The following TENM3 variants were observed in gnomAD, a reference collection of about 807,000 sequenced individuals.
TENM3 encodes teneurin transmembrane protein 3, also known as teneurin-3.
A neutral mutation model predicts 255.1 loss-of-function variants in TENM3; 63 were observed. The observed-to-expected ratio is 0.25, with a 90% confidence interval of 0.20 to 0.30. TENM3 has a LOEUF of 0.30. Ranked by LOEUF, TENM3 falls within the 10% of genes least tolerant of loss-of-function variation. The probability of loss-of-function intolerance (pLI) is 1.00; values close to 1 mark genes in which losing one functional copy is unlikely to be tolerated. For missense variants in TENM3, 2,929 were observed against 3,461.1 expected, an observed-to-expected ratio of 0.85 and a Z score of 3.86; for synonymous variants, 1,306 against 1,322.3, an observed-to-expected ratio of 0.99 and a Z score of 0.27.
At chr4:182,483,872 T>A (rs62337189) in intron 3 of TENM3, among the ~76,000 whole-genome samples, 7,643 of 152,074 alleles carry the variant, frequency 0.05, 269 homozygotes, top group African/African-American at 0.089. Flanking sequence ...CTACCCATTC[T>A]TAACCAGATC....
At chr4:181,996,880 A>G in the TENM3 span, among the ~76,000 whole-genome samples, 1 of 152,178 alleles carries the variant, frequency 6.6e-6, no homozygotes, top group Admixed American at 6.5e-5. Flanking sequence ...CTGTCTGGGA[A>G]GCAGCTGGTC....
At chr4:182,547,160 G>T (rs1286911485) in intron 3 of TENM3, among the ~76,000 whole-genome samples, 1 of 152,106 alleles carries the variant, frequency 6.6e-6, no homozygotes, top group Admixed American at 6.5e-5. Flanking sequence ...CAGAGGCATG[G>T]TACAAGCGTT....
chr4:182,734,471 A>G (rs1002815534), intron 16 of TENM3, among the ~76,000 whole-genome samples: 1 of 152,218 alleles, frequency 6.6e-6, no homozygotes, highest in African/African-American at 2.4e-5. Flanking sequence ...AGATATTGAT[A>G]GAAAAGAGAA....
chr4:182,185,309 G>A (rs1292577626), intron 1 of TENM3, among the ~76,000 whole-genome samples: 1 of 152,136 alleles, frequency 6.6e-6, no homozygotes, highest in Admixed American at 6.6e-5. Context: ...TAAGTTGAAG[G>A]CACCATAGCA....
At chr4:181,574,415 C>A in the TENM3 span, among the ~76,000 whole-genome samples, 1 of 151,736 alleles carries the variant, frequency 6.6e-6, no homozygotes, top group African/African-American at 2.4e-5. Flanking sequence ...CCTGTAGTCC[C>A]AGCTACTCGG....
At chr4:182,324,533 G>C (rs1763270593) in intron 2 of TENM3, among the ~76,000 whole-genome samples, 1 of 152,216 alleles carries the variant, frequency 6.6e-6, no homozygotes, top group African/African-American at 2.4e-5. Context: ...CCAAGCGTTT[G>C]TACAAACTTG....
At chr4:181,867,716 A>G in the TENM3 span, among the ~76,000 whole-genome samples, 1 of 152,196 alleles carries the variant, frequency 6.6e-6, no homozygotes, top group South Asian at 2.1e-4. Flanking sequence ...AATGTTGTAT[A>G]GGATAGCAAT....
intron 1 of TENM3, among the ~76,000 whole-genome samples, chr4:182,157,629 G>C (rs1750801197): frequency 6.6e-6 from 1 of 151,110 alleles, no homozygotes; most frequent in South Asian, 2.1e-4. Flanking sequence ...AAAGTCTATG[G>C]TTCTATTGTT....
chr4:182,532,291 C>T (rs1739853713), intron 3 of TENM3, among the ~76,000 whole-genome samples: 1 of 152,180 alleles, frequency 6.6e-6, no homozygotes, highest in South Asian at 2.1e-4. Context: ...TAAAACCTAC[C>T]ATTTTGAAGA....
At chr4:181,972,742 C>T in the TENM3 span, among the ~76,000 whole-genome samples, 1 of 152,218 alleles carries the variant, frequency 6.6e-6, no homozygotes, top group South Asian at 2.1e-4. Context: ...CAATCTTGAC[C>T]GAGATTGAAT....
At chr4:182,583,936 TG>T (rs942383894) in intron 3 of TENM3, among the ~76,000 whole-genome samples, 13 of 152,202 alleles carry the variant, frequency 8.5e-5, no homozygotes, top group Admixed American at 5.2e-4. Flanking sequence ...TACTAAAATA[TG>T]GGTTAAAGCA....
At chr4:181,878,807 C>A in the TENM3 span, among the ~76,000 whole-genome samples, 1 of 152,028 alleles carries the variant, frequency 6.6e-6, no homozygotes, top group African/African-American at 2.4e-5. Flanking sequence ...GTCTATCTAC[C>A]TATCTGTGTG....
chr4:182,072,415 A>G, the TENM3 span, among the ~76,000 whole-genome samples: 1 of 152,110 alleles, frequency 6.6e-6, no homozygotes, highest in African/African-American at 2.4e-5. Flanking sequence ...CCCTGCCAAC[A>G]CCTTGAGCTT....
chr4:182,557,314 T>G (rs1742675370), intron 3 of TENM3, among the ~76,000 whole-genome samples: 1 of 152,190 alleles, frequency 6.6e-6, no homozygotes, highest in East Asian at 1.9e-4. Context: ...CTCAGATCAC[T>G]CGTGTGTGTG....
chr4:182,187,472 G>A (rs964066879), intron 1 of TENM3, among the ~76,000 whole-genome samples: 7 of 152,006 alleles, frequency 4.6e-5, no homozygotes, highest in South Asian at 2.1e-4. Context: ...TAGTAAATTC[G>A]CCAACTCTCC....
rs1042655638 is a variant in TENM3 at position 182,442,883 on chromosome 4, T to C, written c.511+95954T>C. On this transcript the variant is annotated intron_variant, in intron 3 of 27. Transcript: ENST00000511685. ...ACACACACACACACACACACACATA[T>C]ATATATATATGGGTTCTTTTCTGTA... 4.4e-4 allele frequency among the ~76,000 whole-genome samples: 67 copies of C among 151,526 alleles called. 5 individuals are homozygous for C. In the East Asian group the frequency reaches 4.5e-3, roughly 10 times the overall value.
chr4:182,258,448 G>A (rs1245648001), intron 1 of TENM3, among the ~76,000 whole-genome samples: 3 of 151,880 alleles, frequency 2.0e-5, no homozygotes, highest in African/African-American at 4.8e-5. Flanking sequence ...ACATACAAAC[G>A]CTCATTGCAT....
chr4:181,768,501 A>G, the TENM3 span, among the ~76,000 whole-genome samples: 1 of 152,232 alleles, frequency 6.6e-6, no homozygotes, highest in Non-Finnish European at 1.5e-5. Context: ...TTTTAAAGGC[A>G]AAATTGCAAT....
the TENM3 span, among the ~76,000 whole-genome samples, chr4:182,018,138 C>G: frequency 7.2e-5 from 11 of 152,266 alleles, 1 homozygote; most frequent in Admixed American, 1.3e-4. Context: ...CCGTGTATGA[C>G]TATCCTAGAA....
Sources: allele counts gnomAD v4.1 joint callset (sites outside exome capture counted in the v4.1 genomes callset), GRCh38; gene constraint gnomAD v4.1.1; transcripts MANE v1.5; gene names NCBI Gene and HGNC (gene_info 2026-07-23, HGNC 2026-07-21).